The following ADAMTS6 variants were observed in gnomAD, a reference collection of about 807,000 sequenced individuals.
The protein encoded by ADAMTS6 is A disintegrin and metalloproteinase with thrombospondin motifs 6.
In ADAMTS6, 23 loss-of-function variants were observed where a neutral mutation model predicts 144.3. The observed-to-expected ratio is 0.16, with a 90% CI of 0.11 to 0.23. The LOEUF (loss-of-function observed/expected upper bound fraction) is 0.23, where lower values mean the gene tolerates loss of function less well. Among genes scored for constraint, ADAMTS6 ranks in the 10% least tolerant of loss-of-function variants. The pLI, the probability that ADAMTS6 is intolerant of heterozygous loss-of-function variation, is 1.00. For synonymous variants in ADAMTS6, 444 were observed against 457.5 expected, an observed-to-expected ratio of 0.97 and a Z score of 0.38; for missense variants, 999 against 1,379.6, an observed-to-expected ratio of 0.72 and a Z score of 4.37.
At chr5:65,374,103 A>G (rs1353318621) in intron 7 of ADAMTS6, among the ~76,000 whole-genome samples, 10 of 152,152 alleles carry the variant, frequency 6.6e-5, no homozygotes, top group South Asian at 2.1e-4. Flanking sequence ...TTGATGGGAC[A>G]TATTTCAAAA....
chr5:65,346,228 GC>G (rs998330938), intron 7 of ADAMTS6, among the ~76,000 whole-genome samples: 1 of 151,776 alleles, frequency 6.6e-6, no homozygotes, highest in African/African-American at 2.4e-5. Flanking sequence ...TGATATAGAT[GC>G]AAAATTCCTC....
At chr5:65,324,269 T>C (rs1012757348) in intron 9 of ADAMTS6, among the ~76,000 whole-genome samples, 6 of 152,152 alleles carry the variant, frequency 3.9e-5, no homozygotes, top group Admixed American at 3.9e-4. Flanking sequence ...CCTCAACCTA[T>C]ACCTCCTACT....
At chr5:65,475,655 A>G (rs1451840441) in intron 1 of ADAMTS6, among the ~76,000 whole-genome samples, 1 of 152,178 alleles carries the variant, frequency 6.6e-6, no homozygotes, top group Non-Finnish European at 1.5e-5. Flanking sequence ...TTTACAAGTC[A>G]AATTGCTGGA....
chr5:65,400,223 G>C (rs978069631), intron 7 of ADAMTS6, among the ~76,000 whole-genome samples: 1 of 151,944 alleles, frequency 6.6e-6, no homozygotes, highest in Non-Finnish European at 1.5e-5. Context: ...GTTTATTAGA[G>C]ATAGGGTCTC....
chr5:65,451,325 G>C, intron 7 of ADAMTS6, 150 bp downstream of exon 7: 5 of 739,200 alleles, frequency 6.8e-6, no homozygotes, highest in Non-Finnish European at 1.1e-5. Context: ...CAATAATAGT[G>C]TAATACATTC....
chr5:65,456,353 C>G (rs1168237693), intron 4 of ADAMTS6, among the ~76,000 whole-genome samples: 1 of 152,130 alleles, frequency 6.6e-6, no homozygotes, highest in Non-Finnish European at 1.5e-5. Context: ...TAAACACATA[C>G]AACACAATAA....
At chr5:65,407,085 G>A (rs1437009385) in intron 7 of ADAMTS6, among the ~76,000 whole-genome samples, 1 of 152,040 alleles carries the variant, frequency 6.6e-6, no homozygotes, top group African/African-American at 2.4e-5. Flanking sequence ...AGGAGAACCA[G>A]CCCAACCTAG....
In ADAMTS6 at chr5:65,172,914, T is replaced by C. The variant is rs1280526692; in HGVS notation, c.3005A>G (p.Glu1002Gly). The C allele has an allele frequency of 6.2e-7, 1 of 1,614,228 alleles. No individual in the cohort carries two copies. Among genetic ancestry groups the C allele is most frequent in the African/African-American group, 1.3e-5 (1 of 75,056 alleles). ...GATGCGGACAGGAGGTTTGCTTTCC[T>C]CTGGACATTGTGCAGCTGGGAATGT... Reference protein sequence around the residue: ...SKTFPAAQCPEESKPPVRIRC... With the variant: ...SKTFPAAQCPGESKPPVRIRC... The change falls in exon 23 of 25, where the codon GAG becomes GGG. Residue 1002 changes from glutamate to glycine, a missense_variant. Glu to Gly is a moderately conservative substitution (Grantham distance 98, BLOSUM62 -2). This residue lies in a region of ADAMTS6 where 619 missense variants were observed against 837.0 expected (regional missense o/e 0.74). Coordinates refer to ENST00000381055, the MANE Select transcript of ADAMTS6 (RefSeq NM_197941.4).
chr5:65,458,007 G>A (rs774695172), intron 4 of ADAMTS6, among the ~76,000 whole-genome samples: 8 of 151,864 alleles, frequency 5.3e-5, no homozygotes, highest in Admixed American at 2.0e-4. Context: ...TTATAGGCCT[G>A]AGCCACCGTG....
chr5:65,461,872 C>T (rs1435926492), intron 3 of ADAMTS6, among the ~76,000 whole-genome samples: 1 of 152,138 alleles, frequency 6.6e-6, no homozygotes, highest in Non-Finnish European at 1.5e-5. Flanking sequence ...TCTCTAAGGT[C>T]CCTTTGAATT....
chr5:65,371,902 C>G (rs1750962020), intron 7 of ADAMTS6, among the ~76,000 whole-genome samples: 1 of 152,068 alleles, frequency 6.6e-6, no homozygotes, highest in Non-Finnish European at 1.5e-5. Flanking sequence ...AAGGGAAGCC[C>G]ATCAGACTAA....
At chr5:65,296,102 G>A (rs920626510) in intron 10 of ADAMTS6, among the ~76,000 whole-genome samples, 1 of 151,974 alleles carries the variant, frequency 6.6e-6, no homozygotes, top group Non-Finnish European at 1.5e-5. Flanking sequence ...AATACAGTGG[G>A]TCAATCTAAA....
intron 7 of ADAMTS6, among the ~76,000 whole-genome samples, chr5:65,373,603 G>C (rs577777099): frequency 6.6e-6 from 1 of 152,188 alleles, no homozygotes; most frequent in African/African-American, 2.4e-5. Context: ...ATTTGAAATT[G>C]TGGCAATAAT....
At chr5:65,373,509 A>G (rs1751189505) in intron 7 of ADAMTS6, among the ~76,000 whole-genome samples, 1 of 151,316 alleles carries the variant, frequency 6.6e-6, no homozygotes, top group Admixed American at 6.6e-5. Context: ...AAAATCTAGA[A>G]GAAATGGATA....
In ADAMTS6 at chr5:65,274,616, G is replaced by T. The variant is rs564068442; in HGVS notation, c.1513-1169C>A. Reference sequence around the variant, plus strand: ...ATAAAAAATTGAGGGGATCTCTTTGGGTTCCTCTTTAGGGTGCCTCCTACC... The same window carrying T: ...ATAAAAAATTGAGGGGATCTCTTTGTGTTCCTCTTTAGGGTGCCTCCTACC... On this transcript the variant is annotated intron_variant, in intron 11 of 24. Transcript: ENST00000381055. 2.6e-5 allele frequency among the ~76,000 whole-genome samples: 4 copies of T among 152,184 alleles called. No individual in the cohort carries two copies. In the South Asian group the frequency reaches 6.2e-4, roughly 24 times the overall value.
rs753648478 is a variant in ADAMTS6 at position 65,214,874 on chromosome 5, C to G, written c.2495G>C (p.Arg832Pro). ...IRYKFNVPIT[R>P]TGSGDNEVGF... is the part of the protein sequence containing the mutation. Reference sequence around the variant, plus strand: ...AACTTCATTATCTCCACTGCCAGTTCGAGTGATGGGAACATTGAACTTATA... The same window carrying G: ...AACTTCATTATCTCCACTGCCAGTTGGAGTGATGGGAACATTGAACTTATA... The change falls in exon 20 of 25, where the codon CGA becomes CCA. Residue 832 changes from arginine to proline, a missense_variant. By Grantham distance (103) the Arg-to-Pro change is moderately radical. Around this residue, in one of 3 missense-constraint regions of ADAMTS6, gnomAD observed 619 missense variants for 837.0 expected, o/e 0.74. Transcript: ENST00000381055. The surrounding 1 kb of genome is among the most constrained non-coding windows in gnomAD (Gnocchi z 4.6). 6.2e-7 allele frequency: 1 copy of G among 1,614,040 alleles called. No individual in the cohort carries two copies. Among genetic ancestry groups the G allele is most frequent in the Non-Finnish European group, 8.5e-7 (1 of 1,180,002 alleles).
intron 24 of ADAMTS6, among the ~76,000 whole-genome samples, chr5:65,167,563 G>T (rs1427108817): frequency 1.4e-5 from 2 of 142,900 alleles, no homozygotes; most frequent in African/African-American, 5.2e-5. Flanking sequence ...TACCAAAGCC[G>T]GGCAGAGACA....
At chr5:65,293,918 T>TA (rs1377653942) in intron 10 of ADAMTS6, among the ~76,000 whole-genome samples, 2 of 152,128 alleles carry the variant, frequency 1.3e-5, no homozygotes, top group African/African-American at 4.8e-5. Context: ...CCATATGAAA[T>TA]AAAATATAAA....
chr5:65,183,556 T>C (rs1193829612), intron 22 of ADAMTS6, among the ~76,000 whole-genome samples: 1 of 152,088 alleles, frequency 6.6e-6, no homozygotes, highest in Admixed American at 6.6e-5. Flanking sequence ...CTGGGGGTCT[T>C]GGAACATGTC....
Sources: allele counts gnomAD v4.1 joint callset (sites outside exome capture counted in the v4.1 genomes callset), GRCh38; gene constraint gnomAD v4.1.1; regional missense constraint gnomAD v4.1.1; non-coding constraint Gnocchi (gnomAD v3.1); transcripts MANE v1.5; gene names NCBI Gene and HGNC (gene_info 2026-07-23, HGNC 2026-07-21).